The following GLYATL2 variants were observed in gnomAD, a reference collection of about 807,000 sequenced individuals.
GLYATL2 encodes the protein glycine-N-acyltransferase like 2, also known as glycine N-acyltransferase-like protein 2.
GLYATL2 carries 25 observed loss-of-function variants against 21.4 expected under a neutral mutation model. The observed-to-expected ratio is 1.17, with a 90% CI of 0.85 to 1.63. GLYATL2 has a LOEUF of 1.63. GLYATL2 is among the 40% of genes most tolerant of loss of function. GLYATL2 has a pLI of 0.00. For missense variants in GLYATL2, 361 were observed against 343.3 expected, an observed-to-expected ratio of 1.05 and a Z score of -0.41; for synonymous variants, 114 against 118.2, an observed-to-expected ratio of 0.96 and a Z score of 0.23.
chr11:58,870,013 T>C (rs986394687), intron 1 of GLYATL2, among the ~76,000 whole-genome samples: 1 of 151,476 alleles, frequency 6.6e-6, no homozygotes, highest in Non-Finnish European at 1.5e-5. Context: ...GAGACTGAGG[T>C]GGGAAGATTG....
In GLYATL2 at chr11:58,878,236, G is replaced by A. The variant is rs565642372; in HGVS notation, n.60+25920C>T. The A allele has an allele frequency of 1.5e-3, 471 of 323,736 alleles. 2 individuals are homozygous for A. Among genetic ancestry groups the A allele is most frequent in the Non-Finnish European group, 1.6e-3 (265 of 170,240 alleles). The allele number at this position is 323,736 out of a possible 1,614,324, so 20.1% of individuals were successfully genotyped here. ...ATTAAACTCCTTTAAATTTAATTCA[G>A]CTGAAGTTTTTCTTTTATCAGACTG... On this transcript the variant is annotated intron_variant and non_coding_transcript_variant, in intron 1 of 4. Transcript: ENST00000533636.
chr11:58,856,305 G>A (rs1187579453), intron 1 of GLYATL2, among the ~76,000 whole-genome samples: 1 of 152,028 alleles, frequency 6.6e-6, no homozygotes, highest in Non-Finnish European at 1.5e-5. Flanking sequence ...TGAATGTTGT[G>A]GCTAGTTTAA....
At chr11:58,838,399 A>AACTTCATCCTCTCCTGCTT in intron 2 of GLYATL2, 31 bp from the exon 3 acceptor site, 1 of 1,379,456 alleles carries the variant, frequency 7.2e-7, no homozygotes, top group Non-Finnish European at 1.0e-6. Flanking sequence ...GCAGGAGAGG[A>AACTTCATCCTCTCCTGCTT]TGAAGTTCTT....
chr11:58,843,334 G>A (rs1474639717), intron 1 of GLYATL2, among the ~76,000 whole-genome samples: 1 of 152,152 alleles, frequency 6.6e-6, no homozygotes, highest in Admixed American at 6.5e-5. Context: ...AACAGTTAGG[G>A]TTTAAATGGC....
chr11:58,872,466 G>A (rs1024718807), intron 1 of GLYATL2, among the ~76,000 whole-genome samples: 1 of 152,212 alleles, frequency 6.6e-6, no homozygotes, highest in Non-Finnish European at 1.5e-5. Context: ...TTTGTATAAG[G>A]TGTAAGGAAG....
intron 1 of GLYATL2, among the ~76,000 whole-genome samples, chr11:58,894,303 G>C (rs926475434): frequency 3.9e-5 from 6 of 152,032 alleles, no homozygotes; most frequent in Non-Finnish European, 8.8e-5. Flanking sequence ...ATGATGGAAA[G>C]GACACGTGCC....
At chr11:58,836,017 C>A (rs189206952) in intron 5 of GLYATL2, among the ~76,000 whole-genome samples, 2 of 152,100 alleles carry the variant, frequency 1.3e-5, no homozygotes, top group African/African-American at 4.8e-5. Context: ...ATTAGTAATA[C>A]AAATATAAAG....
intron 1 of GLYATL2, among the ~76,000 whole-genome samples, chr11:58,864,138 AG>A (rs1853982387): frequency 6.6e-6 from 1 of 152,124 alleles, no homozygotes; most frequent in South Asian, 2.1e-4. Flanking sequence ...GCCTGGCGCT[AG>A]GCAGTCCTAG....
intron 1 of GLYATL2, among the ~76,000 whole-genome samples, chr11:58,850,531 C>A (rs1294726184): frequency 2.0e-5 from 3 of 151,978 alleles, no homozygotes; most frequent in Admixed American, 1.3e-4. Flanking sequence ...AAAAACCAGG[C>A]CATACAGAGA....
chr11:58,869,922 C>T (rs997392645), intron 1 of GLYATL2, among the ~76,000 whole-genome samples: 2 of 152,020 alleles, frequency 1.3e-5, no homozygotes, highest in Non-Finnish European at 2.9e-5. Context: ...AAAACAAAGA[C>T]CCCCGCCTGC....
intron 1 of GLYATL2, among the ~76,000 whole-genome samples, chr11:58,899,978 T>C (rs1854707325): frequency 6.7e-6 from 1 of 149,336 alleles, no homozygotes; most frequent in Non-Finnish European, 1.5e-5. Flanking sequence ...GTCCATCGAA[T>C]TGTGTGGAAC....
chr11:58,834,935 T>A, intron 5 of GLYATL2, 98 bp from the exon 6 acceptor site: 1 of 876,716 alleles, frequency 1.1e-6, no homozygotes, highest in Non-Finnish European at 1.7e-6. Flanking sequence ...TTAAGGACCC[T>A]ACAGCCTGGA....
intron 1 of GLYATL2, among the ~76,000 whole-genome samples, chr11:58,866,982 T>A (rs1211626568): frequency 1.3e-5 from 2 of 148,946 alleles, no homozygotes; most frequent in Non-Finnish European, 3.0e-5. Flanking sequence ...TGCTAAAGGA[T>A]AATGAAGGAT....
chr11:58,869,209 A>G (rs1418780304), intron 1 of GLYATL2, among the ~76,000 whole-genome samples: 1 of 152,222 alleles, frequency 6.6e-6, no homozygotes, highest in East Asian at 1.9e-4. Flanking sequence ...TGTCTGATAT[A>G]GTCACGGGAA....
intron 1 of GLYATL2, among the ~76,000 whole-genome samples, chr11:58,856,920 T>C (rs1853838656): frequency 6.6e-6 from 1 of 152,236 alleles, no homozygotes; most frequent in Non-Finnish European, 1.5e-5. Flanking sequence ...ACTTGCTTGA[T>C]GCAGGGTTGA....
At chr11:58,840,379 T>C (rs1329050940) in intron 1 of GLYATL2, among the ~76,000 whole-genome samples, 1 of 152,212 alleles carries the variant, frequency 6.6e-6, no homozygotes, top group East Asian at 1.9e-4. Flanking sequence ...GTATATAAGA[T>C]ATAATACAAA....
chr11:58,882,157 C>T (rs948312965), intron 1 of GLYATL2, among the ~76,000 whole-genome samples: 1 of 152,236 alleles, frequency 6.6e-6, no homozygotes, highest in African/African-American at 2.4e-5. Flanking sequence ...AATCACCGCA[C>T]TGTCTTCCAC....
intron 1 of GLYATL2, among the ~76,000 whole-genome samples, chr11:58,884,407 A>C (rs1309845678): frequency 2.6e-5 from 4 of 152,252 alleles, no homozygotes; most frequent in Non-Finnish European, 5.9e-5. Context: ...AAGCATTCTT[A>C]TACACCAATA....
chr11:58,858,532 C>G (rs1853873424), intron 1 of GLYATL2, among the ~76,000 whole-genome samples: 2 of 151,780 alleles, frequency 1.3e-5, no homozygotes, highest in South Asian at 4.2e-4. Flanking sequence ...GCAATGTGAG[C>G]TGATGGTTCT....
Sources: gnomAD v4.1 joint callset for allele counts (sites outside exome capture counted in the v4.1 genomes callset) on GRCh38, gnomAD v4.1.1 for gene constraint, MANE v1.5 for transcripts, NCBI Gene and HGNC (gene_info 2026-07-23, HGNC 2026-07-21) for gene names.